NR3C1: variants seen among roughly 807,000 people sequenced by gnomAD.
NR3C1 encodes glucocorticoid receptor.
NR3C1 carries 14 observed loss-of-function variants against 74.0 expected under a neutral mutation model. That is an observed-to-expected ratio of 0.19 (90% confidence interval 0.12 to 0.30). NR3C1 has a LOEUF of 0.30. Among genes scored for constraint, NR3C1 ranks in the 10% least tolerant of loss-of-function variants. The probability of loss-of-function intolerance (pLI) is 1.00; values close to 1 mark genes in which losing one functional copy is unlikely to be tolerated. For missense variants in NR3C1, 695 were observed against 909.8 expected, an observed-to-expected ratio of 0.76 and a Z score of 3.04; for synonymous variants, 308 against 332.5, an observed-to-expected ratio of 0.93 and a Z score of 0.80.
chr5:143,411,189 C>G (rs1358677816), intron 1 of NR3C1, among the ~76,000 whole-genome samples: 1 of 152,106 alleles, frequency 6.6e-6, no homozygotes, highest in Non-Finnish European at 1.5e-5. Flanking sequence ...TTGAAATCAA[C>G]CATGGTGGAG....
chr5:143,417,017 C>T (rs1750941350), intron 1 of NR3C1, among the ~76,000 whole-genome samples: 1 of 151,990 alleles, frequency 6.6e-6, no homozygotes, highest in South Asian at 2.1e-4. Flanking sequence ...AGAGAGAAAC[C>T]TGGTAATCCT....
chr5:143,351,696 T>C (rs1472864084), intron 2 of NR3C1, among the ~76,000 whole-genome samples: 2 of 152,180 alleles, frequency 1.3e-5, no homozygotes. Flanking sequence ...TACTCTATTA[T>C]TAGCTAACTT....
chr5:143,366,363 A>C (rs1400692623), intron 2 of NR3C1, among the ~76,000 whole-genome samples: 1 of 152,066 alleles, frequency 6.6e-6, no homozygotes, highest in African/African-American at 2.4e-5. Flanking sequence ...ATAAAAAATT[A>C]GCCAGGCGTG....
At chr5:143,386,192 G>C (rs993312645) in intron 2 of NR3C1, among the ~76,000 whole-genome samples, 13 of 152,160 alleles carry the variant, frequency 8.5e-5, no homozygotes, top group Non-Finnish European at 1.6e-4. Context: ...AACAGCAGAG[G>C]AGAAGTCTGC....
At position 143,311,833 on chromosome 5, in the gene NR3C1, G is replaced by A. The variant is rs1480219163; in HGVS notation, c.1352-1620C>T. On this transcript the variant is annotated intron_variant, in intron 3 of 8. Coordinates refer to ENST00000394464, the MANE Select transcript of NR3C1 (RefSeq NM_000176.3). ...TCCTGTAGAGACGGGGTCTCGTTATGTTGCTCAGGCTGGTCTCAAACTCCA... is the reference window on the plus strand; with the variant it reads ...TCCTGTAGAGACGGGGTCTCGTTATATTGCTCAGGCTGGTCTCAAACTCCA... Among the ~76,000 whole-genome samples the A allele has an allele frequency of 2.4e-5, 3 of 123,974 alleles. No individual in the cohort carries two copies. In the Admixed American group the frequency reaches 2.8e-4, roughly 12 times the overall value. 81.3% of individuals were successfully genotyped at this position (123,974 alleles called of 152,430 possible).
intron 1 of NR3C1, among the ~76,000 whole-genome samples, chr5:143,418,674 G>A (rs1355682455): frequency 6.6e-6 from 1 of 152,220 alleles, no homozygotes; most frequent in Non-Finnish European, 1.5e-5. Flanking sequence ...AGGGGTCAGG[G>A]AAGGCTCCTG....
intron 2 of NR3C1, among the ~76,000 whole-genome samples, chr5:143,376,868 G>A (rs1835298191): frequency 6.6e-6 from 1 of 152,142 alleles, no homozygotes; most frequent in Non-Finnish European, 1.5e-5. Context: ...AGGGTATCAG[G>A]GTTTGGATAA....
In NR3C1 at chr5:143,331,288, C is replaced by T. The variant is rs564918150; in HGVS notation, c.1185-17120G>A. Among the ~76,000 whole-genome samples the T allele has an allele frequency of 6.6e-5, 10 of 152,216 alleles. No individual in the cohort carries two copies. The South Asian group carries it at 2.1e-3, about 32-fold the overall frequency. On this transcript the variant is annotated intron_variant, in intron 2 of 8. Coordinates refer to ENST00000394464, the MANE Select transcript of NR3C1 (RefSeq NM_000176.3). ...ATTAAAAAGTCAGAAAATAATAGAT[C>T]CTGGTGAGGTTGCAGAGAAAGGGAA... is the stretch of plus-strand genomic sequence containing the variant.
At chr5:143,287,739 T>A (rs1480516347) in intron 7 of NR3C1, among the ~76,000 whole-genome samples, 1 of 152,092 alleles carries the variant, frequency 6.6e-6, no homozygotes, top group Non-Finnish European at 1.5e-5. Context: ...TAAAGAGAGA[T>A]ATAAAAATGA....
At chr5:143,334,608 C>T (rs186405122) in intron 2 of NR3C1, among the ~76,000 whole-genome samples, 23 of 151,898 alleles carry the variant, frequency 1.5e-4, no homozygotes, top group Admixed American at 5.2e-4. Flanking sequence ...CTACAGCAGT[C>T]GACCAAGCCC....
At chr5:143,316,424 C>A (rs61753472) in intron 2 of NR3C1, among the ~76,000 whole-genome samples, 3 of 152,270 alleles carry the variant, frequency 2.0e-5, no homozygotes, top group Non-Finnish European at 4.4e-5. Flanking sequence ...ATTATATATA[C>A]ACACATATGC....
intron 4 of NR3C1, among the ~76,000 whole-genome samples, chr5:143,304,310 G>C (rs1386767360): frequency 1.3e-5 from 2 of 151,954 alleles, no homozygotes; most frequent in East Asian, 3.9e-4. Flanking sequence ...AATCCCATTT[G>C]TAACAGTCAC....
intron 1 of NR3C1, among the ~76,000 whole-genome samples, chr5:143,431,552 G>C (rs1461959923): frequency 6.6e-6 from 1 of 152,044 alleles, no homozygotes; most frequent in African/African-American, 2.4e-5. Context: ...TGCATGCGAG[G>C]CTTAAAACCT....
upstream of NR3C1, chr5:143,405,000 A>C (rs1001666029): frequency 2.2e-6 from 1 of 449,022 alleles, no homozygotes; most frequent in Non-Finnish European, 2.9e-6. Flanking sequence ...CTTCCCCCTC[A>C]GTCCAAGGGG....
intron 2 of NR3C1, among the ~76,000 whole-genome samples, chr5:143,387,668 C>T (rs1837489456): frequency 6.6e-6 from 1 of 152,138 alleles, no homozygotes; most frequent in Non-Finnish European, 1.5e-5. Flanking sequence ...CTTGCATTTT[C>T]TCTTTTCTGC....
At chr5:143,381,249 C>A (rs945160106) in intron 2 of NR3C1, among the ~76,000 whole-genome samples, 1 of 151,726 alleles carries the variant, frequency 6.6e-6, no homozygotes, top group African/African-American at 2.4e-5. Context: ...TGAAAGAGCT[C>A]TACAATGAAA....
chr5:143,333,996 C>A (rs12187680), intron 2 of NR3C1, among the ~76,000 whole-genome samples: 1 of 152,116 alleles, frequency 6.6e-6, no homozygotes, highest in Non-Finnish European at 1.5e-5. Flanking sequence ...TGGAAGCATG[C>A]GTTTTGTTGT....
At chr5:143,332,372 T>C (rs1372933766) in intron 2 of NR3C1, among the ~76,000 whole-genome samples, 1 of 119,704 alleles carries the variant, frequency 8.4e-6, no homozygotes, top group Non-Finnish European at 1.6e-5. Context: ...TCATAACATC[T>C]GAGCTATAAG....
intron 1 of NR3C1, among the ~76,000 whole-genome samples, chr5:143,433,550 G>A (rs1751975573): frequency 9.0e-6 from 1 of 110,764 alleles, no homozygotes; most frequent in South Asian, 3.1e-4. Flanking sequence ...TTGGCACCTT[G>A]GAATAATATT....
Sources: gnomAD v4.1 joint callset for allele counts (sites outside exome capture counted in the v4.1 genomes callset) on GRCh38, gnomAD v4.1.1 for gene constraint, MANE v1.5 for transcripts, NCBI Gene and HGNC (gene_info 2026-07-23, HGNC 2026-07-21) for gene names.